SKAP1: variants seen among roughly 807,000 people sequenced by gnomAD.
The protein encoded by SKAP1 is src kinase associated phosphoprotein 1.
A neutral mutation model predicts 58.5 loss-of-function variants in SKAP1; 44 were observed. The observed-to-expected ratio is 0.75, with a 90% CI of 0.59 to 0.97. The LOEUF (loss-of-function observed/expected upper bound fraction) is 0.97, where lower values mean the gene tolerates loss of function less well. Among genes scored for constraint, SKAP1 ranks in the 50% least tolerant of loss-of-function variants. SKAP1 has a pLI of 0.00. For synonymous variants in SKAP1, 127 were observed against 149.7 expected (o/e 0.85, Z 1.11); for missense variants, 390 against 435.2 (o/e 0.90, Z 0.92).
At chr17:48,407,333 T>A (rs916113314) in intron 1 of SKAP1, among the ~76,000 whole-genome samples, 42 of 151,980 alleles carry the variant, frequency 2.8e-4, no homozygotes, top group African/African-American at 9.9e-4. Context: ...AAGGAAACAA[T>A]AAAGATAAAA....
chr17:48,426,358 G>A (rs947323507), intron 1 of SKAP1, among the ~76,000 whole-genome samples: 1 of 152,212 alleles, frequency 6.6e-6, no homozygotes, highest in Non-Finnish European at 1.5e-5. Flanking sequence ...CATGTAGGCA[G>A]TTGGGACCTA....
At chr17:48,193,078 G>T (rs1483048308) in intron 4 of SKAP1, among the ~76,000 whole-genome samples, 1 of 152,084 alleles carries the variant, frequency 6.6e-6, no homozygotes, top group Non-Finnish European at 1.5e-5. Flanking sequence ...TCTCACTCTT[G>T]TCGCCCAGGC....
At chr17:48,311,287 G>C (rs1195927465) in intron 4 of SKAP1, among the ~76,000 whole-genome samples, 1 of 152,166 alleles carries the variant, frequency 6.6e-6, no homozygotes, top group Non-Finnish European at 1.5e-5. Context: ...GATCACTGAA[G>C]ACTTTTCATT....
chr17:48,391,428 T>C (rs2067343881), intron 2 of SKAP1, among the ~76,000 whole-genome samples: 1 of 152,188 alleles, frequency 6.6e-6, no homozygotes, highest in Non-Finnish European at 1.5e-5. Flanking sequence ...CAGTAAGTAA[T>C]ATTCTATCTT....
intron 11 of SKAP1, among the ~76,000 whole-genome samples, chr17:48,150,861 A>G (rs1264350531): frequency 6.6e-6 from 1 of 152,146 alleles, no homozygotes; most frequent in Non-Finnish European, 1.5e-5. Context: ...TCTTTTCCCT[A>G]CCCTCCTGGA....
intron 4 of SKAP1, among the ~76,000 whole-genome samples, chr17:48,206,456 T>TA (rs1263949819): frequency 6.6e-6 from 1 of 151,848 alleles, no homozygotes. Flanking sequence ...CCCCTTGGTA[T>TA]AAAAAATAAA....
chr17:48,274,344 A>G (rs2065672068), intron 4 of SKAP1, among the ~76,000 whole-genome samples: 3 of 152,040 alleles, frequency 2.0e-5, no homozygotes, highest in Admixed American at 2.0e-4. Context: ...TGCAGTGAGC[A>G]GAGATTGCAT....
chr17:48,323,722 A>G lies in SKAP1; in HGVS notation c.280+22183T>C, dbSNP rs193186848. On this transcript the variant is annotated intron_variant, in intron 4 of 12. Transcript: ENST00000336915. Reference sequence around the variant, plus strand: ...CAGACATTAGCATTACCTTCAAAAAAGAACATAACGAAGAGGGAGATACAT... The same window carrying G: ...CAGACATTAGCATTACCTTCAAAAAGGAACATAACGAAGAGGGAGATACAT... Among the ~76,000 whole-genome samples, 340 of 152,234 alleles carry G rather than the reference A, an allele frequency of 2.2e-3. 2 individuals carry two copies. The highest frequency in any genetic ancestry group is 7.3e-3 in the African/African-American group (302 of 41,578).
chr17:48,330,922 C>T lies in SKAP1; in HGVS notation c.280+14983G>A, dbSNP rs551123641. On this transcript the variant is annotated intron_variant, in intron 4 of 12. Coordinates refer to ENST00000336915, the MANE Select transcript of SKAP1 (RefSeq NM_003726.4). ...TGGCAAGGATTCTGTTATCGTTGAG[C>T]ATGATTCCTTTATCTCTCAGAGACA... Among the ~76,000 whole-genome samples, 6 of 152,250 alleles carry T rather than the reference C, an allele frequency of 3.9e-5. No individual in the cohort carries two copies. The East Asian group carries it at 1.2e-3, about 29-fold the overall frequency.
chr17:48,169,359 G>T (rs62066410), intron 10 of SKAP1, among the ~76,000 whole-genome samples: 7 of 152,178 alleles, frequency 4.6e-5, no homozygotes, highest in Non-Finnish European at 8.8e-5. Context: ...TTTCTTTTCT[G>T]CACTGGTGAT....
chr17:48,444,074 A>G, the SKAP1 span, among the ~76,000 whole-genome samples: 3 of 152,148 alleles, frequency 2.0e-5, no homozygotes, highest in East Asian at 5.8e-4. Flanking sequence ...GTATTTTCTA[A>G]GAATGAGGAT....
chr17:48,323,312 G>A (rs1489174708), intron 4 of SKAP1, among the ~76,000 whole-genome samples: 1 of 151,714 alleles, frequency 6.6e-6, no homozygotes, highest in Non-Finnish European at 1.5e-5. Context: ...TGGCAGATGA[G>A]CTCCAGCATA....
intron 3 of SKAP1, among the ~76,000 whole-genome samples, chr17:48,351,364 A>T (rs2144349470): frequency 6.6e-6 from 1 of 152,318 alleles, no homozygotes; most frequent in Middle Eastern, 3.4e-3. Context: ...TCTTGTGATT[A>T]ATCCATGTAT....
intron 4 of SKAP1, among the ~76,000 whole-genome samples, chr17:48,235,132 G>C (rs958097267): frequency 6.6e-6 from 1 of 152,104 alleles, no homozygotes; most frequent in Admixed American, 6.6e-5. Flanking sequence ...AGGATGAATA[G>C]GAGTTCTCTA....
chr17:48,342,297 G>A (rs1343420355), intron 4 of SKAP1, among the ~76,000 whole-genome samples: 1 of 152,150 alleles, frequency 6.6e-6, no homozygotes, highest in Non-Finnish European at 1.5e-5. Context: ...CAAATTGTGG[G>A]CATTTACAAA....
intron 1 of SKAP1, among the ~76,000 whole-genome samples, chr17:48,418,763 C>T (rs560956185): frequency 6.6e-6 from 1 of 152,136 alleles, no homozygotes; most frequent in East Asian, 1.9e-4. Flanking sequence ...TACTATTTAG[C>T]AAAAAGGAAC....
intron 2 of SKAP1, among the ~76,000 whole-genome samples, chr17:48,386,604 G>A (rs982304434): frequency 1.3e-5 from 2 of 152,124 alleles, no homozygotes; most frequent in Non-Finnish European, 2.9e-5. Flanking sequence ...AAAGACTAGC[G>A]AAAGCAATTT....
In SKAP1 at chr17:48,340,154, T is replaced by G. The variant is rs556389764; in HGVS notation, c.280+5751A>C. ...GAGGTCATGCCACTGCACTCCAGCC[T>G]GGGCAACAGAGCTAGACTCCGTCTC... On this transcript the variant is annotated intron_variant, in intron 4 of 12. Transcript: ENST00000336915. Among the ~76,000 whole-genome samples, 3 of 152,190 alleles carry G rather than the reference T, an allele frequency of 2.0e-5. No individual in the cohort carries two copies. In the South Asian group the frequency reaches 6.2e-4, roughly 32 times the overall value.
intron 1 of SKAP1, among the ~76,000 whole-genome samples, chr17:48,400,377 G>A (rs2067483592): frequency 6.6e-6 from 1 of 152,062 alleles, no homozygotes; most frequent in Non-Finnish European, 1.5e-5. Context: ...GGGATTACAG[G>A]TGTGAGCCAC....
Sources: allele counts gnomAD v4.1 joint callset (sites outside exome capture counted in the v4.1 genomes callset), GRCh38; gene constraint gnomAD v4.1.1; transcripts MANE v1.5; gene names NCBI Gene and HGNC (gene_info 2026-07-23, HGNC 2026-07-21).